The following FOXP2 variants were observed in gnomAD, a reference collection of about 807,000 sequenced individuals.
FOXP2 encodes the protein forkhead box protein P2.
A neutral mutation model predicts 115.8 loss-of-function variants in FOXP2; 12 were observed. That is an observed-to-expected ratio of 0.10 (90% CI 0.07 to 0.17). The LOEUF (loss-of-function observed/expected upper bound fraction) is 0.17. FOXP2 is among the 10% of genes least tolerant of loss of function. FOXP2 has a pLI of 1.00. For missense variants in FOXP2, 629 were observed against 843.5 expected, an observed-to-expected ratio of 0.75 and a Z score of 3.15; for synonymous variants, 328 against 297.7, an observed-to-expected ratio of 1.10 and a Z score of -1.05.
At chr7:114,314,116 T>C (rs1797214873) in intron 2 of FOXP2, among the ~76,000 whole-genome samples, 1 of 152,006 alleles carries the variant, frequency 6.6e-6, no homozygotes, top group Non-Finnish European at 1.5e-5. Context: ...GAAACTTTTA[T>C]GTACGTGTAT....
At chr7:114,267,930 T>C (rs1389423279) in intron 1 of FOXP2, among the ~76,000 whole-genome samples, 3 of 152,042 alleles carry the variant, frequency 2.0e-5, no homozygotes, top group Non-Finnish European at 4.4e-5. Flanking sequence ...ATTGAAATAC[T>C]GTACCCATTA....
At chr7:114,647,251 T>A (rs189897210) in intron 8 of FOXP2, among the ~76,000 whole-genome samples, 21 of 151,838 alleles carry the variant, frequency 1.4e-4, no homozygotes, top group Non-Finnish European at 2.8e-4. Flanking sequence ...CCCAAATTAT[T>A]TTTTTCACAT....
At chr7:114,619,979 T>G (rs1435971109) in intron 3 of FOXP2, among the ~76,000 whole-genome samples, 1 of 152,038 alleles carries the variant, frequency 6.6e-6, no homozygotes, top group Non-Finnish European at 1.5e-5. Context: ...TATAGGGTTG[T>G]TATGCAAGAT....
intron 2 of FOXP2, among the ~76,000 whole-genome samples, chr7:114,487,589 A>T (rs1341422860): frequency 6.6e-6 from 1 of 152,094 alleles, no homozygotes; most frequent in Middle Eastern, 3.4e-3. Flanking sequence ...AATTTTCCAA[A>T]CTTTTATGCT....
intron 2 of FOXP2, among the ~76,000 whole-genome samples, chr7:114,492,584 T>C (rs1383682895): frequency 6.6e-6 from 1 of 152,182 alleles, no homozygotes; most frequent in Non-Finnish European, 1.5e-5. Context: ...CTGCTTTGAA[T>C]GTGTCCCAGA....
At chr7:114,353,951 G>A (rs754957835) in intron 2 of FOXP2, among the ~76,000 whole-genome samples, 4 of 152,070 alleles carry the variant, frequency 2.6e-5, no homozygotes, top group Non-Finnish European at 5.9e-5. Context: ...TGACTGGGCC[G>A]AGGGATGACC....
chr7:114,410,139 A>G (rs1029431930), upstream of FOXP2, among the ~76,000 whole-genome samples: 6 of 152,170 alleles, frequency 3.9e-5, no homozygotes, highest in African/African-American at 1.4e-4. Context: ...TATCTTTCCT[A>G]GTTCAGAACA....
intron 2 of FOXP2, among the ~76,000 whole-genome samples, chr7:114,503,320 A>T (rs1797651702): frequency 6.6e-6 from 1 of 151,682 alleles, no homozygotes; most frequent in Non-Finnish European, 1.5e-5. Flanking sequence ...TAAAGATTTT[A>T]AAATTTTTTT....
chr7:114,446,747 CT>C (rs373569304), intron 2 of FOXP2, among the ~76,000 whole-genome samples: 1,438 of 139,164 alleles, frequency 0.01, 8 homozygotes, highest in African/African-American at 0.029. Context: ...TTCTTTCTTT[CT>C]TTTTTTTTTT....
chr7:114,362,358 T>G (rs1293735674), intron 2 of FOXP2, among the ~76,000 whole-genome samples: 1 of 152,124 alleles, frequency 6.6e-6, no homozygotes, highest in Non-Finnish European at 1.5e-5. Context: ...GAATTCCGGT[T>G]CTAAGTCCTT....
At chr7:114,086,541 G>A (rs1233232831), upstream of FOXP2, 2 of 410,064 alleles carry the variant, frequency 4.9e-6, no homozygotes, top group Non-Finnish European at 9.6e-6. Context: ...TGGGTGTGTT[G>A]TTTGGGGGCT....
At chr7:114,673,223 T>C (rs1282962555) in intron 16 of FOXP2, among the ~76,000 whole-genome samples, 1 of 152,160 alleles carries the variant, frequency 6.6e-6, no homozygotes, top group Non-Finnish European at 1.5e-5. Flanking sequence ...ACTATAAGGG[T>C]CCTTAGATCC....
intron 1 of FOXP2, among the ~76,000 whole-genome samples, chr7:114,254,376 C>G (rs922930717): frequency 6.6e-6 from 1 of 152,128 alleles, no homozygotes; most frequent in Non-Finnish European, 1.5e-5. Context: ...TGGATAATAT[C>G]CTGCAGAGTG....
intron 2 of FOXP2, among the ~76,000 whole-genome samples, chr7:114,296,383 C>G (rs1172697821): frequency 2.0e-5 from 3 of 152,050 alleles, no homozygotes; most frequent in Non-Finnish European, 4.4e-5. Flanking sequence ...TGGAAAATAG[C>G]AGTAAACCTT....
chr7:114,165,382 A>G (rs1159162852), intron 1 of FOXP2, among the ~76,000 whole-genome samples: 8 of 152,216 alleles, frequency 5.3e-5, no homozygotes, highest in Admixed American at 5.2e-4. Context: ...AGAAAATCCC[A>G]TATAATCAAT....
At chr7:114,157,506 A>G (rs1345697697) in intron 1 of FOXP2, among the ~76,000 whole-genome samples, 1 of 152,152 alleles carries the variant, frequency 6.6e-6, no homozygotes, top group Non-Finnish European at 1.5e-5. Context: ...TTGATTCTAG[A>G]ATGTAGAGAT....
chr7:114,613,413 C>T, intron 3 of FOXP2, among the ~76,000 whole-genome samples: 1 of 152,022 alleles, frequency 6.6e-6, no homozygotes, highest in Non-Finnish European at 1.5e-5. Context: ...TGGTGGCTCT[C>T]GCCTGTAATC....
chr7:114,480,190 G>A (rs1267615428), intron 2 of FOXP2, among the ~76,000 whole-genome samples: 1 of 151,290 alleles, frequency 6.6e-6, no homozygotes, highest in African/African-American at 2.4e-5. Flanking sequence ...TTTTATCATT[G>A]CCTGCCTCAA....
intron 2 of FOXP2, among the ~76,000 whole-genome samples, chr7:114,337,216 C>T (rs915708831): frequency 6.6e-6 from 1 of 151,192 alleles, no homozygotes; most frequent in African/African-American, 2.4e-5. Context: ...TTTTCCATTA[C>T]CATGGTTCCT....
Sources: allele counts gnomAD v4.1 joint callset (sites outside exome capture counted in the v4.1 genomes callset), GRCh38; gene constraint gnomAD v4.1.1; transcripts MANE v1.5; gene names NCBI Gene and HGNC (gene_info 2026-07-23, HGNC 2026-07-21).